NHS: variants seen among roughly 807,000 people sequenced by gnomAD.
NHS encodes actin remodeling regulator NHS.
Under a neutral mutation model 72.5 loss-of-function variants are expected in NHS, and 5 were observed. The observed-to-expected ratio is 0.07, with a 90% CI of 0.04 to 0.14. NHS has a LOEUF of 0.14. Among genes scored for constraint, NHS ranks in the 10% least tolerant of loss-of-function variants. The pLI, the probability that NHS is intolerant of heterozygous loss-of-function variation, is 1.00. For synonymous variants in NHS, 464 were observed against 547.7 expected (o/e 0.85, Z 2.13); for missense variants, 1,072 against 1,355.7 (o/e 0.79, Z 3.29).
intron 1 of NHS, among the ~76,000 whole-genome samples, chrX:17,553,188 G>A (rs1168085745): frequency 8.9e-6 from 1 of 112,757 alleles, no homozygotes; most frequent in Non-Finnish European, 1.9e-5. Flanking sequence ...TGAGGAGTCA[G>A]GAAAGATAGA....
At chrX:17,565,277 C>T (rs888502435) in intron 1 of NHS, among the ~76,000 whole-genome samples, 1 of 111,646 alleles carries the variant, frequency 9.0e-6, no homozygotes, top group Admixed American at 9.5e-5. Flanking sequence ...ACTAACCAGG[C>T]GTGTAAGTAG....
In NHS at chrX:17,666,654, G is replaced by GTGAA. The variant is rs201506112; in HGVS notation, c.566-21068_566-21065dup. Among the ~76,000 whole-genome samples the GTGAA allele has an allele frequency of 6.5e-3, 723 of 111,881 alleles. 1 individual carries two copies. The highest frequency in any genetic ancestry group is 9.6e-3 in the Non-Finnish European group (512 of 53,236). On this transcript the variant is annotated intron_variant, in intron 1 of 8. Transcript: ENST00000676302. ...AATGAGCAACTGGATGAATGAATGA[G>GTGAA]TGAATGAATGAATGAATGAATGAGC...
At chrX:17,606,221 T>C (rs1361050612) in intron 1 of NHS, among the ~76,000 whole-genome samples, 1 of 112,034 alleles carries the variant, frequency 8.9e-6, no homozygotes, top group African/African-American at 3.3e-5. Flanking sequence ...TGTGGGCTGC[T>C]GTAAAGACCC....
chrX:17,734,780 G>A lies in NHS; in HGVS notation c.*2316G>A, dbSNP rs1197470395. 8.9e-6 allele frequency: 1 copy of A among 112,182 alleles called. No individual in the cohort carries two copies. The highest frequency in any genetic ancestry group is 1.9e-5 in the Non-Finnish European group (1 of 53,174). The allele number at this position is 112,182 out of a possible 1,213,427, so 9.2% of individuals were successfully genotyped here. On this transcript the variant is annotated 3_prime_UTR_variant, in exon 9 of 9. Transcript: ENST00000676302. ...CAAAGTTTTAAAAATAAAGTTTTTAGGCAAATGCGATAAGAAACCGTCATT... is the reference window on the plus strand; with the variant it reads ...CAAAGTTTTAAAAATAAAGTTTTTAAGCAAATGCGATAAGAAACCGTCATT...
chrX:17,375,644 C>A lies in NHS; in HGVS notation c.-114C>A. The A allele has an allele frequency of 1.3e-6, 1 of 782,270 alleles. No individual in the cohort carries two copies. Among genetic ancestry groups the A allele is most frequent in the Non-Finnish European group, 1.8e-6 (1 of 541,467 alleles). The allele number at this position is 782,270 out of a possible 1,213,427, so 64.5% of individuals were successfully genotyped here. A position where few individuals can be genotyped will look rare whatever the true frequency, so the allele number is the denominator to read the frequency against. On this transcript the variant is annotated 5_prime_UTR_variant, in exon 1 of 9. Transcript: ENST00000676302. The stretch of plus-strand genomic sequence containing the variant: ...GAAGCCCCCTGCGTATCCGGACTGC[C>A]AGATCGCGCTTTTGCCGGACTCCTG...
intron 1 of NHS, among the ~76,000 whole-genome samples, chrX:17,534,147 C>T (rs2065212383): frequency 9.0e-6 from 1 of 111,643 alleles, no homozygotes; most frequent in South Asian, 3.7e-4. Flanking sequence ...TCTACTCTCA[C>T]ATTAACACAC....
At chrX:17,721,292 T>C in intron 4 of NHS, 149 bp from the exon 5 acceptor site, 1 of 526,017 alleles carries the variant, frequency 1.9e-6, no homozygotes, top group South Asian at 2.7e-5. Context: ...TTGTAATTAG[T>C]TGTGCTTACT....
chrX:17,395,339 G>C (rs2064468730), intron 1 of NHS, among the ~76,000 whole-genome samples: 1 of 112,295 alleles, frequency 8.9e-6, no homozygotes, highest in South Asian at 3.7e-4. Flanking sequence ...ACGTGTATTT[G>C]GGTGAGGCTG....
intron 1 of NHS, chrX:17,586,439 A>C (rs1455665382): frequency 2.7e-5 from 3 of 112,553 alleles, no homozygotes; most frequent in African/African-American, 9.7e-5. Flanking sequence ...TAGTCACCAC[A>C]GAGCATTTAA....
intron 1 of NHS, among the ~76,000 whole-genome samples, chrX:17,521,449 C>T (rs112581329): frequency 0.032 from 3,519 of 108,373 alleles, 188 homozygotes; most frequent in African/African-American, 0.12. Flanking sequence ...GCAGCCTCGA[C>T]CTCCCTGGGC....
chrX:17,417,406 A>T (rs2146863498), intron 1 of NHS, among the ~76,000 whole-genome samples: 1 of 112,034 alleles, frequency 8.9e-6, no homozygotes, highest in South Asian at 3.7e-4. Context: ...TTTATCTGAA[A>T]AATTATTCTT....
chrX:17,390,268 T>G (rs2146845025), intron 1 of NHS, among the ~76,000 whole-genome samples: 1 of 112,624 alleles, frequency 8.9e-6, no homozygotes, highest in Admixed American at 9.4e-5. Context: ...TATGTTTCTC[T>G]CCAGTCTACA....
chrX:17,584,230 C>T (rs1376217428), intron 1 of NHS, among the ~76,000 whole-genome samples: 1 of 111,666 alleles, frequency 9.0e-6, no homozygotes, highest in Admixed American at 9.5e-5. Context: ...CACTGTTGAA[C>T]TTCCTCTGGG....
chrX:17,477,099 C>T (rs1288260379), intron 1 of NHS, among the ~76,000 whole-genome samples: 1 of 111,963 alleles, frequency 8.9e-6, no homozygotes, highest in African/African-American at 3.2e-5. Context: ...AACTTGCAGT[C>T]TAGTGGAGGT....
chrX:17,447,784 C>T (rs1298531992), intron 1 of NHS, among the ~76,000 whole-genome samples: 3 of 82,668 alleles, frequency 3.6e-5, no homozygotes, highest in South Asian at 5.4e-4. Flanking sequence ...CACACACACA[C>T]GCACACACAC....
chrX:17,586,466 G>A (rs1185541096), intron 1 of NHS: 1 of 112,614 alleles, frequency 8.9e-6, no homozygotes, highest in Non-Finnish European at 1.9e-5. Flanking sequence ...TAAGATGCCT[G>A]AGAGAAAATG....
chrX:17,509,750 A>G (rs193035745), intron 1 of NHS, among the ~76,000 whole-genome samples: 231 of 112,068 alleles, frequency 2.1e-3, no homozygotes, highest in African/African-American at 6.3e-3. Flanking sequence ...TGGGTCTTCT[A>G]TGGCCTTGTT....
intron 1 of NHS, among the ~76,000 whole-genome samples, chrX:17,519,127 C>G (rs1464975169): frequency 8.9e-6 from 1 of 111,754 alleles, no homozygotes; most frequent in Non-Finnish European, 1.9e-5. Context: ...CTGTGCTGCA[C>G]GAATGCCTCC....
intron 1 of NHS, among the ~76,000 whole-genome samples, chrX:17,571,421 T>A (rs1569284677): frequency 1.8e-5 from 2 of 112,640 alleles, no homozygotes; most frequent in South Asian, 7.3e-4. Context: ...TACAGGAATT[T>A]ATCAATTTCT....
Sources: gnomAD v4.1 joint callset for allele counts (sites outside exome capture counted in the v4.1 genomes callset) on GRCh38, gnomAD v4.1.1 for gene constraint, MANE v1.5 for transcripts, NCBI Gene and HGNC (gene_info 2026-07-23, HGNC 2026-07-21) for gene names.